The following TFEC variants were observed in gnomAD, a reference collection of about 807,000 sequenced individuals.
TFEC encodes the protein class E basic helix-loop-helix protein 34.
A neutral mutation model predicts 41.6 loss-of-function variants in TFEC; 31 were observed. The observed-to-expected ratio is 0.74, with a 90% CI of 0.56 to 1.01. The LOEUF (loss-of-function observed/expected upper bound fraction) is 1.01, where lower values mean the gene tolerates loss of function less well. Among genes scored for constraint, TFEC ranks in the 50% least tolerant of loss-of-function variants. TFEC has a pLI of 0.00. For synonymous variants in TFEC, 143 were observed against 140.6 expected, an observed-to-expected ratio of 1.02 and a Z score of -0.12; for missense variants, 402 against 404.1, an observed-to-expected ratio of 0.99 and a Z score of 0.04.
intron 3 of TFEC, among the ~76,000 whole-genome samples, chr7:116,058,113 G>GACCTAAC (rs1278129142): frequency 6.6e-6 from 1 of 151,584 alleles, no homozygotes; most frequent in Non-Finnish European, 1.5e-5. Flanking sequence ...TTTTAATTAA[G>GACCTAAC]ACCTAACTAT....
intron 1 of TFEC, among the ~76,000 whole-genome samples, chr7:116,124,864 C>A (rs1798178473): frequency 2.0e-5 from 3 of 152,144 alleles, no homozygotes. Flanking sequence ...AGGCACTGTG[C>A]AAGCTATGGT....
chr7:115,970,194 T>G, intron 3 of TFEC, among the ~76,000 whole-genome samples: 1 of 151,736 alleles, frequency 6.6e-6, no homozygotes, highest in Non-Finnish European at 1.5e-5. Flanking sequence ...GTAAAATGAG[T>G]GAAAAATCAG....
chr7:116,102,412 T>C (rs1237069221), intron 3 of TFEC, among the ~76,000 whole-genome samples: 1 of 152,130 alleles, frequency 6.6e-6, no homozygotes, highest in Non-Finnish European at 1.5e-5. Context: ...TCTGAGGATA[T>C]GTGGTAGAGA....
chr7:116,037,474 A>G (rs374432798), intron 3 of TFEC, among the ~76,000 whole-genome samples: 5 of 151,980 alleles, frequency 3.3e-5, no homozygotes, highest in African/African-American at 1.2e-4. Context: ...TCAGAATTGT[A>G]CCTTTAGAGT....
intron 3 of TFEC, among the ~76,000 whole-genome samples, chr7:116,041,641 T>C (rs1562948048): frequency 1.3e-5 from 2 of 152,324 alleles, no homozygotes; most frequent in African/African-American, 4.8e-5. Flanking sequence ...AGTAATTCTC[T>C]TCTCCTGTGT....
intron 6 of TFEC, among the ~76,000 whole-genome samples, chr7:115,949,514 G>A (rs2130330794): frequency 6.6e-6 from 1 of 152,184 alleles, no homozygotes; most frequent in Non-Finnish European, 1.5e-5. Context: ...ATAGATCAAT[G>A]GAACAGAACA....
At chr7:116,149,558 CTCTT>C (rs1370015591) in intron 1 of TFEC, among the ~76,000 whole-genome samples, 1 of 152,094 alleles carries the variant, frequency 6.6e-6, no homozygotes, top group African/African-American at 2.4e-5. Context: ...ATTATAAAAA[CTCTT>C]TCAAAGTTTT....
chr7:116,083,687 C>G (rs1409935661), intron 3 of TFEC, among the ~76,000 whole-genome samples: 2 of 151,812 alleles, frequency 1.3e-5, no homozygotes, highest in Non-Finnish European at 2.9e-5. Context: ...ACATACCTGC[C>G]CACACCAACC....
rs1465011903 is a variant in TFEC at position 116,076,756 on chromosome 7, C to T, written c.198+33952G>A. Among the ~76,000 whole-genome samples, 3 of 152,010 alleles carry T rather than the reference C, an allele frequency of 2.0e-5. No homozygotes were observed. The East Asian group carries it at 5.8e-4, about 29-fold the overall frequency. ...AAAGAATATTTAAAAATGAACAAAG[C>T]CTCCAAGAAGTTTGGAACTATGTTA... On this transcript the variant is annotated intron_variant, in intron 3 of 8. Coordinates refer to the TFEC transcript ENST00000484212.
upstream of TFEC, among the ~76,000 whole-genome samples, chr7:116,034,499 C>T (rs12539389): frequency 0.099 from 15,042 of 151,926 alleles, 821 homozygotes; most frequent in African/African-American, 0.13. Flanking sequence ...TACCCTTCAA[C>T]GTGTCCATCA....
chr7:116,126,647 G>A (rs531352832), intron 1 of TFEC, among the ~76,000 whole-genome samples: 1 of 151,996 alleles, frequency 6.6e-6, no homozygotes, highest in Non-Finnish European at 1.5e-5. Flanking sequence ...TTAGTAATTA[G>A]GGAGGAGCGT....
chr7:116,099,656 T>TG (rs1214594877), intron 3 of TFEC, among the ~76,000 whole-genome samples: 1 of 152,186 alleles, frequency 6.6e-6, no homozygotes, highest in Non-Finnish European at 1.5e-5. Context: ...TCTTAAAATA[T>TG]CAATCTCCAG....
chr7:116,031,592 AT>A (rs1270160653), upstream of TFEC, among the ~76,000 whole-genome samples: 6 of 152,296 alleles, frequency 3.9e-5, no homozygotes, highest in East Asian at 1.2e-3. Context: ...ATTTTAAAAA[AT>A]ATATGCAAAG....
intron 1 of TFEC, chr7:116,157,352 A>T (rs1366273313): frequency 6.6e-6 from 1 of 151,898 alleles, no homozygotes; most frequent in Non-Finnish European, 1.5e-5. Context: ...TATGACAGTT[A>T]ACATGGTCCT....
rs1798300072 is a variant in TFEC at position 116,130,045 on chromosome 7, A to AC, written c.-68-18008_-68-18007insG. Among the ~76,000 whole-genome samples the AC allele has an allele frequency of 5.6e-5, 8 of 142,248 alleles. 1 individual carries two copies. The highest frequency in any genetic ancestry group is 7.1e-3 in the Middle Eastern group (2 of 282). The allele number at this position is 142,248 out of a possible 152,430, so 93.3% of individuals were successfully genotyped here. A position where few individuals can be genotyped will look rare whatever the true frequency, so the allele number is the denominator to read the frequency against. ...ATATTCCTGCCACCAAACATGCAAG[A>AC]ACACACACACACACACACACACACA... On this transcript the variant is annotated intron_variant, in intron 1 of 8. Coordinates refer to the TFEC transcript ENST00000484212.
chr7:115,964,421 T>C (rs1353535297), intron 3 of TFEC, among the ~76,000 whole-genome samples: 1 of 151,328 alleles, frequency 6.6e-6, no homozygotes, highest in Non-Finnish European at 1.5e-5. Context: ...TACAAAGACA[T>C]TAGAGGAGGA....
chr7:116,031,272 C>A (rs925167465), upstream of TFEC, among the ~76,000 whole-genome samples: 4 of 151,802 alleles, frequency 2.6e-5, no homozygotes, highest in African/African-American at 7.3e-5. Context: ...TAAAGTGACC[C>A]CAGGATAATT....
chr7:116,141,054 G>C (rs907947244), intron 1 of TFEC, among the ~76,000 whole-genome samples: 5 of 152,120 alleles, frequency 3.3e-5, no homozygotes, highest in African/African-American at 9.7e-5. Context: ...TACAATCATT[G>C]TAAATTACAG....
chr7:115,957,116 G>A (rs1314165339), intron 3 of TFEC, among the ~76,000 whole-genome samples: 2 of 151,820 alleles, frequency 1.3e-5, no homozygotes, highest in Non-Finnish European at 2.9e-5. Context: ...GGTTATAAAT[G>A]GATGTAATTA....
Sources: allele counts gnomAD v4.1 joint callset (sites outside exome capture counted in the v4.1 genomes callset), GRCh38; gene constraint gnomAD v4.1.1; transcripts MANE v1.5; gene names NCBI Gene and HGNC (gene_info 2026-07-23, HGNC 2026-07-21).